PACS1: variants seen among roughly 807,000 people sequenced by gnomAD.
PACS1 encodes the protein phosphofurin acidic cluster sorting protein 1, also known as PACS-1.
In PACS1, 24 loss-of-function variants were observed where a neutral mutation model predicts 115.0. The observed-to-expected ratio is 0.21, with a 90% CI of 0.15 to 0.29. PACS1 has a LOEUF of 0.29. Ranked by LOEUF, PACS1 falls within the 10% of genes least tolerant of loss-of-function variation. The pLI, the probability that PACS1 is intolerant of heterozygous loss-of-function variation, is 1.00. For missense variants in PACS1, 838 were observed against 1,251.2 expected (o/e 0.67, Z 4.98); for synonymous variants, 453 against 504.5 (o/e 0.90, Z 1.37).
chr11:66,222,450 C>A (rs962676733), intron 10 of PACS1, among the ~76,000 whole-genome samples: 8 of 152,266 alleles, frequency 5.3e-5, no homozygotes, highest in Non-Finnish European at 8.8e-5. Flanking sequence ...CCTGCTCCCT[C>A]AGCAGATCAC....
At chr11:66,087,303 C>T (rs546477916) in intron 1 of PACS1, among the ~76,000 whole-genome samples, 31 of 151,576 alleles carry the variant, frequency 2.0e-4, no homozygotes, top group Admixed American at 3.9e-4. Context: ...TGCAATGGCA[C>T]GATCTCTGCT....
chr11:66,214,238 C>T (rs963261692), intron 4 of PACS1, among the ~76,000 whole-genome samples: 7 of 152,018 alleles, frequency 4.6e-5, no homozygotes, highest in Admixed American at 2.0e-4. Context: ...GAGATAGTTC[C>T]AGCCCGTCTT....
chr11:66,187,116 G>T (rs1854399136), intron 1 of PACS1, among the ~76,000 whole-genome samples: 1 of 152,184 alleles, frequency 6.6e-6, no homozygotes, highest in Admixed American at 6.5e-5. Context: ...TCTTCTGTTG[G>T]TGGGTGTGTT....
chr11:66,121,835 TA>T (rs1342905130), intron 1 of PACS1, among the ~76,000 whole-genome samples: 2 of 152,096 alleles, frequency 1.3e-5, no homozygotes, highest in Non-Finnish European at 2.9e-5. Context: ...GAGTTTTAAG[TA>T]AAAAAGCAAC....
intron 1 of PACS1, among the ~76,000 whole-genome samples, chr11:66,072,445 T>A (rs914782869): frequency 2.0e-5 from 3 of 152,214 alleles, no homozygotes; most frequent in African/African-American, 7.2e-5. Flanking sequence ...GATCTGGGAC[T>A]TCACTAGGCA....
At chr11:66,120,966 G>A (rs970121189) in intron 1 of PACS1, 1 of 455,280 alleles carries the variant, frequency 2.2e-6, no homozygotes, top group South Asian at 1.5e-5. Context: ...GCTTCCCACT[G>A]TGTGCGGGCC....
At position 66,070,342 on chromosome 11, in the gene PACS1, C is replaced by A. The variant is rs1033902732; in HGVS notation, c.-145C>A. On this transcript the variant is annotated 5_prime_UTR_variant, in exon 1 of 24. Transcript: ENST00000320580. The surrounding 1 kb of genome is among the most constrained non-coding windows in gnomAD (Gnocchi z 5.9). ...GCGAGGCCCGCGCGCCCAGAGGCCC[C>A]GCGCGTGCGTGCAGCTCGCTGGCTG... 3 of 329,038 alleles carry A rather than the reference C, an allele frequency of 9.1e-6. No individual in the cohort carries two copies. Among genetic ancestry groups the A allele is most frequent in the East Asian group, 7.6e-5 (1 of 13,146 alleles). 20.4% of individuals were successfully genotyped at this position (329,038 alleles called of 1,614,324 possible).
rs1855656130 is a variant in PACS1, at chr11:66,234,038, C to T, written c.1994-94C>T. 3.9e-6 allele frequency: 6 copies of T among 1,554,578 alleles called. No individual in the cohort carries two copies. In the South Asian group the frequency reaches 5.7e-5, roughly 15 times the overall value. ...GGTGGGGTTGGGGCCTAGGAAGGGA[C>T]AGTCAAGGAGACCAAGGCCGTGGCC... On this transcript the variant is annotated intron_variant, in intron 16 of 23. Transcript: ENST00000320580.
At chr11:66,224,288 A>AGGG (rs983166228) in intron 10 of PACS1, among the ~76,000 whole-genome samples, 4 of 151,746 alleles carry the variant, frequency 2.6e-5, no homozygotes, top group African/African-American at 9.7e-5. Context: ...CATTTGGGAC[A>AGGG]GGGTAGAGCT....
intron 2 of PACS1, among the ~76,000 whole-genome samples, chr11:66,202,726 G>GCA (rs1554988658): frequency 9.1e-5 from 1 of 10,964 alleles, no homozygotes; most frequent in African/African-American, 2.4e-4. Context: ...TCATCTCTAG[G>GCA]AAAAAAAAAA....
intron 1 of PACS1, among the ~76,000 whole-genome samples, chr11:66,073,916 CTTTT>C (rs34145797): frequency 1.8e-4 from 14 of 76,936 alleles, no homozygotes; most frequent in Middle Eastern, 9.6e-3. Context: ...TCACACCTGG[CTTTT>C]TTTTTTTTTT....
At chr11:66,073,467 G>A (rs1857344521) in intron 1 of PACS1, among the ~76,000 whole-genome samples, 1 of 152,160 alleles carries the variant, frequency 6.6e-6, no homozygotes, top group African/African-American at 2.4e-5. Context: ...GTCTCTTAGG[G>A]CAGAGAAGAG....
At chr11:66,212,306 T>G (rs886417288) in intron 4 of PACS1, among the ~76,000 whole-genome samples, 1 of 151,440 alleles carries the variant, frequency 6.6e-6, no homozygotes, top group Non-Finnish European at 1.5e-5. Context: ...TAATTTTTTT[T>G]TTTTTTTAGT....
intron 1 of PACS1, among the ~76,000 whole-genome samples, chr11:66,122,157 A>G (rs1858459340): frequency 1.3e-5 from 2 of 152,232 alleles, no homozygotes; most frequent in Non-Finnish European, 2.9e-5. Flanking sequence ...AGAGCCCTTA[A>G]AAATTATGCT....
At chr11:66,106,665 A>T (rs1858048512) in intron 1 of PACS1, among the ~76,000 whole-genome samples, 1 of 152,006 alleles carries the variant, frequency 6.6e-6, no homozygotes, top group African/African-American at 2.4e-5. Flanking sequence ...CTGAGGTGGG[A>T]GGATCGCTTG....
intron 1 of PACS1, among the ~76,000 whole-genome samples, chr11:66,175,515 G>T (rs1321700888): frequency 6.6e-6 from 1 of 152,106 alleles, no homozygotes; most frequent in African/African-American, 2.4e-5. Flanking sequence ...TTAGATTTCA[G>T]CTCTAACTTC....
chr11:66,228,962 A>G (rs1263520383), intron 11 of PACS1, among the ~76,000 whole-genome samples: 2 of 152,116 alleles, frequency 1.3e-5, no homozygotes. Context: ...TATTGGTAGC[A>G]GAGTCCTCCC....
At chr11:66,190,774 G>A (rs962100974) in intron 1 of PACS1, among the ~76,000 whole-genome samples, 1 of 152,170 alleles carries the variant, frequency 6.6e-6, no homozygotes, top group Non-Finnish European at 1.5e-5. Context: ...GAAGGGAAGG[G>A]AGAAACAGGC....
At chr11:66,240,957 G>A (rs1030092402) in intron 21 of PACS1, 3 of 153,326 alleles carry the variant, frequency 2.0e-5, no homozygotes, top group African/African-American at 7.2e-5. Context: ...CTGCAGGTCG[G>A]GTGGCACCAG....
Sources: gnomAD v4.1 joint callset for allele counts (sites outside exome capture counted in the v4.1 genomes callset) on GRCh38, gnomAD v4.1.1 for gene constraint, Gnocchi (gnomAD v3.1) non-coding constraint, MANE v1.5 for transcripts, NCBI Gene and HGNC (gene_info 2026-07-23, HGNC 2026-07-21) for gene names.